ATRNL1: variants seen among roughly 807,000 people sequenced by gnomAD.
ATRNL1 encodes the protein attractin like 1, also known as attractin-like protein 1.
In ATRNL1, 95 loss-of-function variants were observed where a neutral mutation model predicts 182.7. The observed-to-expected ratio is 0.52, with a 90% CI of 0.44 to 0.62. ATRNL1 has a LOEUF of 0.62. Ranked by LOEUF, ATRNL1 falls within the 20% of genes least tolerant of loss-of-function variation. The pLI, the probability that ATRNL1 is intolerant of heterozygous loss-of-function variation, is 0.00. For missense variants in ATRNL1, 1,471 were observed against 1,679.5 expected (o/e 0.88, Z 2.17); for synonymous variants, 576 against 568.3 (o/e 1.01, Z -0.19).
At chr10:115,821,282 G>A (rs1270442729) in intron 27 of ATRNL1, among the ~76,000 whole-genome samples, 2 of 152,154 alleles carry the variant, frequency 1.3e-5, no homozygotes, top group Non-Finnish European at 2.9e-5. Flanking sequence ...AGTAGCTTGT[G>A]TGAATTTGAT....
rs1452828110 is a variant in ATRNL1 at position 115,828,324 on chromosome 10, AAAG to A, written c.3904-19550_3904-19548del. ...AAGAGCAAAACTCCGTCTCAAAAAA[AAAG>A]AAAAGAAAAGAAAAGAAAAGAAACA... On this transcript the variant is annotated intron_variant, in intron 27 of 28. Coordinates refer to ENST00000355044, the MANE Select transcript of ATRNL1 (RefSeq NM_207303.4). Among the ~76,000 whole-genome samples, 4 of 142,522 alleles carry A rather than the reference AAAG, an allele frequency of 2.8e-5. No individual in the cohort carries two copies. In the East Asian group the frequency reaches 8.1e-4, roughly 29 times the overall value. 93.5% of individuals were successfully genotyped at this position (142,522 alleles called of 152,430 possible). A position where few individuals can be genotyped will look rare whatever the true frequency, so the allele number is the denominator to read the frequency against.
chr10:115,885,047 T>G (rs113072609), intron 28 of ATRNL1, among the ~76,000 whole-genome samples: 1,643 of 152,298 alleles, frequency 0.011, 25 homozygotes, highest in African/African-American at 0.038. Flanking sequence ...GACTTCACTT[T>G]AGAGAATAGA....
intron 26 of ATRNL1, among the ~76,000 whole-genome samples, chr10:115,591,822 C>G (rs962391417): frequency 4.2e-4 from 64 of 152,144 alleles, no homozygotes; most frequent in African/African-American, 1.4e-3. Context: ...CATTACTGCA[C>G]ATGTATCCAA....
intron 4 of ATRNL1, 31 bp from the exon 5 acceptor site, chr10:115,129,296 A>C (rs1554874389): frequency 6.4e-7 from 1 of 1,562,704 alleles, no homozygotes; most frequent in East Asian, 2.3e-5. Flanking sequence ...AATTACCTTG[A>C]ATCTGAATAT....
chr10:115,338,204 G>T (rs544851438), intron 19 of ATRNL1, among the ~76,000 whole-genome samples: 116 of 152,240 alleles, frequency 7.6e-4, no homozygotes, highest in African/African-American at 2.7e-3. Context: ...ACGTAGGAGC[G>T]CAGGTATCTC....
chr10:115,479,230 T>A (rs1001586735), intron 24 of ATRNL1, among the ~76,000 whole-genome samples: 23 of 151,650 alleles, frequency 1.5e-4, no homozygotes, highest in Non-Finnish European at 3.1e-4. Context: ...TCTTTTACTG[T>A]TCCTAAATTA....
intron 25 of ATRNL1, among the ~76,000 whole-genome samples, chr10:115,531,263 A>G (rs11197272): frequency 0.61 from 91,767 of 151,368 alleles, 29,305 homozygotes; most frequent in Non-Finnish European, 0.73. Flanking sequence ...AAGTGTTCCT[A>G]TTTCTCCACA....
chr10:115,177,903 G>GT (rs147613896), intron 8 of ATRNL1, among the ~76,000 whole-genome samples: 24,406 of 101,872 alleles, frequency 0.24, 3,175 homozygotes, highest in Non-Finnish European at 0.33. Context: ...TTGTTTTTTT[G>GT]TTTTTTTTGT....
At chr10:115,684,190 A>G (rs1332233971) in intron 26 of ATRNL1, among the ~76,000 whole-genome samples, 3 of 151,514 alleles carry the variant, frequency 2.0e-5, no homozygotes, top group Non-Finnish European at 4.4e-5. Context: ...AGGGCTTATA[A>G]TTTAAACTTT....
intron 26 of ATRNL1, among the ~76,000 whole-genome samples, chr10:115,585,570 A>G (rs1243685117): frequency 1.4e-5 from 1 of 72,592 alleles, no homozygotes; most frequent in Non-Finnish European, 2.9e-5. Flanking sequence ...TAGGATTGCA[A>G]CCCCTGTCTT....
intron 26 of ATRNL1, among the ~76,000 whole-genome samples, chr10:115,694,597 T>A (rs1335970604): frequency 1.3e-5 from 2 of 152,172 alleles, no homozygotes; most frequent in African/African-American, 4.8e-5. Flanking sequence ...TGAATGTTAT[T>A]TCTGACATTC....
intron 28 of ATRNL1, among the ~76,000 whole-genome samples, chr10:115,938,852 G>C (rs933087520): frequency 2.0e-5 from 3 of 152,116 alleles, no homozygotes; most frequent in African/African-American, 7.2e-5. Flanking sequence ...CTAGGGGAAG[G>C]GGGAGGGATG....
chr10:115,551,938 A>C (rs1853015615), intron 26 of ATRNL1, among the ~76,000 whole-genome samples: 1 of 151,350 alleles, frequency 6.6e-6, no homozygotes, highest in African/African-American at 2.4e-5. Flanking sequence ...CATTCACATA[A>C]ATTTTAGGAC....
intron 27 of ATRNL1, among the ~76,000 whole-genome samples, chr10:115,750,942 G>A (rs1029099527): frequency 6.6e-6 from 1 of 151,940 alleles, no homozygotes; most frequent in East Asian, 1.9e-4. Flanking sequence ...AAACACAAAA[G>A]GTTGAAAACA....
intron 26 of ATRNL1, among the ~76,000 whole-genome samples, chr10:115,686,945 A>G (rs1283153756): frequency 6.6e-6 from 1 of 152,056 alleles, no homozygotes; most frequent in African/African-American, 2.4e-5. Context: ...GGAGATAAGT[A>G]TACAGCCATG....
At chr10:115,473,735 G>T (rs1053710817) in intron 24 of ATRNL1, among the ~76,000 whole-genome samples, 5 of 151,200 alleles carry the variant, frequency 3.3e-5, no homozygotes, top group Non-Finnish European at 7.4e-5. Context: ...TTTTATAATT[G>T]ATTCAATCAC....
At chr10:115,845,847 G>A (rs536395576) in intron 27 of ATRNL1, among the ~76,000 whole-genome samples, 8 of 151,906 alleles carry the variant, frequency 5.3e-5, no homozygotes, top group South Asian at 2.1e-4. Flanking sequence ...TATCACTATC[G>A]TTTAAACCTT....
chr10:115,301,975 A>T lies in ATRNL1; in HGVS notation c.2750A>T (p.Asp917Val). 1 of 1,614,014 alleles carries T rather than the reference A, an allele frequency of 6.2e-7. No individual in the cohort carries two copies. The highest frequency in any genetic ancestry group is 1.1e-5 in the South Asian group (1 of 91,076). Reference sequence around the variant, plus strand: ...TGCAGCAGTACGAAACGATGTGTTGACTCTAATGCCTATATCATCTCTTTT... The same window carrying T: ...TGCAGCAGTACGAAACGATGTGTTGTCTCTAATGCCTATATCATCTCTTTT... The part of the protein sequence containing the change: ...MWCSSTKRCV[D>V]SNAYIISFPY... The change falls in exon 17 of 29, where the codon GAC becomes GTC. Residue 917 changes from aspartate to valine, a missense_variant. By Grantham distance (152) the Asp-to-Val change is radical. Transcript: ENST00000355044.
intron 27 of ATRNL1, among the ~76,000 whole-genome samples, chr10:115,833,735 G>A (rs1950607794): frequency 6.6e-6 from 1 of 152,126 alleles, no homozygotes; most frequent in Admixed American, 6.6e-5. Flanking sequence ...GCCCAAGTAA[G>A]CGGCAGTTAA....
Sources: allele counts gnomAD v4.1 joint callset (sites outside exome capture counted in the v4.1 genomes callset), GRCh38; gene constraint gnomAD v4.1.1; transcripts MANE v1.5; gene names NCBI Gene and HGNC (gene_info 2026-07-23, HGNC 2026-07-21).